Variants in CTNNA2 observed in about 807,000 individuals in gnomAD.
The protein encoded by CTNNA2 is catenin alpha 2.
In CTNNA2, 42 loss-of-function variants were observed where a neutral mutation model predicts 101.0. The observed-to-expected ratio is 0.42, with a 90% confidence interval of 0.32 to 0.54. The LOEUF (loss-of-function observed/expected upper bound fraction) is 0.54, where lower values mean the gene tolerates loss of function less well. CTNNA2 is among the 20% of genes least tolerant of loss of function. The pLI is 0.14. For missense variants in CTNNA2, 871 were observed against 1,223.1 expected (o/e 0.71, Z 4.29); for synonymous variants, 450 against 456.4 (o/e 0.99, Z 0.18).
At chr2:79,930,544 C>T (rs754598521) in intron 7 of CTNNA2, among the ~76,000 whole-genome samples, 1 of 152,100 alleles carries the variant, frequency 6.6e-6, no homozygotes, top group Non-Finnish European at 1.5e-5. Context: ...GATGCCTGGA[C>T]GTCCATTTTG....
intron 3 of CTNNA2, among the ~76,000 whole-genome samples, chr2:79,359,273 G>A (rs764939062): frequency 5.9e-5 from 9 of 152,040 alleles, no homozygotes; most frequent in Non-Finnish European, 1.3e-4. Flanking sequence ...AAATTAAAGG[G>A]GCTAGGACTG....
intron 13 of CTNNA2, among the ~76,000 whole-genome samples, chr2:80,579,891 C>G (rs912682893): frequency 6.6e-6 from 1 of 152,176 alleles, no homozygotes; most frequent in African/African-American, 2.4e-5. Flanking sequence ...GGGGAATGGG[C>G]AACTACATCA....
intron 7 of CTNNA2, among the ~76,000 whole-genome samples, chr2:80,208,403 A>C (rs2149030581): frequency 6.6e-6 from 1 of 152,330 alleles, no homozygotes; most frequent in East Asian, 1.9e-4. Context: ...TTGAGGTAGG[A>C]GAGCTTCAGC....
chr2:79,413,090 T>C (rs1471341520), intron 4 of CTNNA2, among the ~76,000 whole-genome samples: 3 of 151,986 alleles, frequency 2.0e-5, no homozygotes, highest in Non-Finnish European at 4.4e-5. Context: ...AATCCTTCCA[T>C]CCCCCAACCT....
At chr2:80,072,761 AAG>A (rs879777478) in intron 7 of CTNNA2, among the ~76,000 whole-genome samples, 2 of 152,174 alleles carry the variant, frequency 1.3e-5, no homozygotes, top group Non-Finnish European at 2.9e-5. Context: ...AGCGATGGTG[AAG>A]AGAGAGAATC....
At chr2:80,141,751 G>A (rs138002434) in intron 7 of CTNNA2, among the ~76,000 whole-genome samples, 1 of 152,150 alleles carries the variant, frequency 6.6e-6, no homozygotes, top group East Asian at 1.9e-4. Context: ...CTAGCCCTGA[G>A]AAGTAAGTGA....
At chr2:80,606,084 C>T (rs1328211785) in intron 16 of CTNNA2, among the ~76,000 whole-genome samples, 2 of 151,746 alleles carry the variant, frequency 1.3e-5, no homozygotes, top group Non-Finnish European at 2.9e-5. Context: ...TCTTTTTCTG[C>T]AGATGTTGAG....
chr2:79,884,990 C>A (rs573775675), intron 6 of CTNNA2, among the ~76,000 whole-genome samples: 2 of 152,136 alleles, frequency 1.3e-5, no homozygotes, highest in Admixed American at 1.3e-4. Flanking sequence ...AAAGCTTATC[C>A]CAGTTGTAGG....
At chr2:80,592,719 C>A (rs1221289132) in intron 15 of CTNNA2, among the ~76,000 whole-genome samples, 2 of 99,720 alleles carry the variant, frequency 2.0e-5, no homozygotes, top group Non-Finnish European at 4.3e-5. Flanking sequence ...TGTGCTATAT[C>A]TCATTGGAGA....
intron 8 of CTNNA2, among the ~76,000 whole-genome samples, chr2:80,396,636 C>T (rs965912530): frequency 1.3e-5 from 2 of 152,162 alleles, no homozygotes; most frequent in Non-Finnish European, 2.9e-5. Flanking sequence ...TTAATTTTTC[C>T]TACAATTACA....
chr2:79,316,757 TC>T (rs1676507127), intron 3 of CTNNA2, among the ~76,000 whole-genome samples: 1 of 151,994 alleles, frequency 6.6e-6, no homozygotes, highest in Non-Finnish European at 1.5e-5. Context: ...TATTTGTATA[TC>T]CTGTAAACTT....
intron 15 of CTNNA2, among the ~76,000 whole-genome samples, chr2:80,601,221 G>A (rs1213248868): frequency 1.3e-5 from 2 of 151,992 alleles, no homozygotes; most frequent in Non-Finnish European, 2.9e-5. Flanking sequence ...CTGTGTGTGT[G>A]TACCACCTAA....
At chr2:80,392,736 A>G (rs1489278097) in intron 7 of CTNNA2, among the ~76,000 whole-genome samples, 1 of 152,328 alleles carries the variant, frequency 6.6e-6, no homozygotes, top group Non-Finnish European at 1.5e-5. Flanking sequence ...TGAATTTGAT[A>G]TAGAAGTTGC....
At chr2:80,380,255 C>G (rs1483301296) in intron 7 of CTNNA2, among the ~76,000 whole-genome samples, 5 of 152,068 alleles carry the variant, frequency 3.3e-5, no homozygotes, top group Admixed American at 3.3e-4. Flanking sequence ...CCAGGATAAT[C>G]TCGATCTCCT....
intron 17 of CTNNA2, 194 bp downstream of exon 17, chr2:80,608,512 C>CTG (rs1047769602): frequency 2.1e-6 from 1 of 475,278 alleles, no homozygotes; most frequent in African/African-American, 2.0e-5. Context: ...TCCAATTACC[C>CTG]TGTGTTTATT....
chr2:79,499,139 A>G (rs772106474), intron 4 of CTNNA2: 1 of 152,168 alleles, frequency 6.6e-6, no homozygotes, highest in African/African-American at 2.4e-5. Context: ...AAGACCATCA[A>G]CTTCCTAGTT....
intron 1 of CTNNA2, among the ~76,000 whole-genome samples, chr2:79,552,582 A>G (rs1160071592): frequency 5.9e-5 from 9 of 152,132 alleles, no homozygotes; most frequent in Non-Finnish European, 1.2e-4. Flanking sequence ...GCTCTGCCCC[A>G]TAGTAGACTT....
intron 3 of CTNNA2, among the ~76,000 whole-genome samples, chr2:79,829,827 G>C (rs1489967648): frequency 1.3e-5 from 2 of 151,596 alleles, no homozygotes; most frequent in Non-Finnish European, 2.9e-5. Flanking sequence ...TCACGCCGTT[G>C]TCCTGCCTCA....
intron 2 of CTNNA2, among the ~76,000 whole-genome samples, chr2:79,211,765 CTTCTT>C (rs373684566): frequency 5.9e-5 from 9 of 152,078 alleles, no homozygotes; most frequent in African/African-American, 2.2e-4. Context: ...ACATTCCTGT[CTTCTT>C]ATATTAATAA....
Sources: allele counts gnomAD v4.1 joint callset (sites outside exome capture counted in the v4.1 genomes callset), GRCh38; gene constraint gnomAD v4.1.1; transcripts MANE v1.5; gene names NCBI Gene and HGNC (gene_info 2026-07-23, HGNC 2026-07-21).